The following PTPRD variants were observed in gnomAD, a reference collection of about 807,000 sequenced individuals.
PTPRD encodes protein tyrosine phosphatase receptor type D, also known as receptor-type tyrosine-protein phosphatase delta.
In PTPRD, 34 loss-of-function variants were observed where a neutral mutation model predicts 214.5. That is an observed-to-expected ratio of 0.16 (90% CI 0.12 to 0.21). PTPRD has a LOEUF of 0.21. PTPRD is among the 10% of genes least tolerant of loss of function. The probability of loss-of-function intolerance (pLI) is 1.00; values close to 1 mark genes in which losing one functional copy is unlikely to be tolerated. For synonymous variants in PTPRD, 1,128 were observed against 845.7 expected, an observed-to-expected ratio of 1.33 and a Z score of -5.79; for missense variants, 2,545 against 2,398.7, an observed-to-expected ratio of 1.06 and a Z score of -1.27.
chr9:9,729,134 T>C (rs10816169), intron 7 of PTPRD, among the ~76,000 whole-genome samples: 34,898 of 152,076 alleles, frequency 0.23, 4,950 homozygotes, highest in South Asian at 0.32. Flanking sequence ...GGGCGGGCTT[T>C]ATGCTGCTGT....
chr9:9,009,114 ATCATTCTC>A, intron 11 of PTPRD, among the ~76,000 whole-genome samples: 1 of 151,010 alleles, frequency 6.6e-6, no homozygotes, highest in African/African-American at 2.4e-5. Context: ...AAAAGTACAA[ATCATTCTC>A]TCATTCACCT....
intron 5 of PTPRD, among the ~76,000 whole-genome samples, chr9:9,767,995 A>C (rs1446279214): frequency 6.6e-6 from 1 of 152,198 alleles, no homozygotes; most frequent in Admixed American, 6.5e-5. Context: ...AAACAGCACA[A>C]AATACAAGTG....
At chr9:8,468,074 G>A (rs181063668) in intron 31 of PTPRD, among the ~76,000 whole-genome samples, 2 of 152,080 alleles carry the variant, frequency 1.3e-5, no homozygotes, top group Non-Finnish European at 2.9e-5. Context: ...ATTCCCACAA[G>A]CACTTTCTGC....
rs1367177334 is a variant in PTPRD at position 9,912,330 on chromosome 9, C to T, written c.-368+26177G>A. Among the ~76,000 whole-genome samples, 3 of 152,146 alleles carry T rather than the reference C, an allele frequency of 2.0e-5. No individual in the cohort carries two copies. In the East Asian group the frequency reaches 5.8e-4, roughly 29 times the overall value. On this transcript the variant is annotated intron_variant, in intron 5 of 45. Transcript: ENST00000381196. ...ACAAACTACAGCATACAAACTAAAA[C>T]ATTTGTCCAAAATTTAGAGTCAACT...
chr9:8,521,136 C>T (rs2097883554), intron 20 of PTPRD, 141 bp downstream of exon 20: 4 of 1,017,268 alleles, frequency 3.9e-6, no homozygotes, highest in Non-Finnish European at 5.6e-6. Flanking sequence ...TATATAATAC[C>T]ACAGATATGA....
At chr9:10,055,900 G>C (rs2097632923) in intron 3 of PTPRD, among the ~76,000 whole-genome samples, 2 of 151,756 alleles carry the variant, frequency 1.3e-5, no homozygotes, top group South Asian at 4.2e-4. Context: ...ATGTATAAAT[G>C]AGTGTGTGTG....
chr9:10,484,028 C>T (rs1429456619), intron 2 of PTPRD, among the ~76,000 whole-genome samples: 1 of 151,948 alleles, frequency 6.6e-6, no homozygotes, highest in Non-Finnish European at 1.5e-5. Flanking sequence ...AATAAGTGTC[C>T]AACAACCAGT....
chr9:10,186,057 T>C (rs2099328811), intron 3 of PTPRD, among the ~76,000 whole-genome samples: 1 of 151,278 alleles, frequency 6.6e-6, no homozygotes, highest in Non-Finnish European at 1.5e-5. Flanking sequence ...TGCACAGTGG[T>C]AGAAGATAAT....
intron 7 of PTPRD, 140 bp from the exon 8 acceptor site, chr9:9,574,921 T>A (rs564717245): frequency 6.6e-6 from 1 of 152,156 alleles, no homozygotes; most frequent in Non-Finnish European, 1.5e-5. Context: ...CAAACATTTT[T>A]GACTACAGTA....
At chr9:8,845,192 AC>A (rs2097665261) in intron 11 of PTPRD, among the ~76,000 whole-genome samples, 1 of 150,956 alleles carries the variant, frequency 6.6e-6, no homozygotes, top group Non-Finnish European at 1.5e-5. Context: ...ACAAAAAAAA[AC>A]ACACAATTCT....
rs547332968 is a variant in PTPRD at position 8,455,728 on chromosome 9, T to A, written c.3875+4683A>T. 3.3e-5 allele frequency among the ~76,000 whole-genome samples: 5 copies of A among 152,352 alleles called. No homozygotes were observed. The South Asian group carries it at 1.0e-3, about 32-fold the overall frequency. On this transcript the variant is annotated intron_variant, in intron 33 of 45. Coordinates refer to ENST00000381196, the MANE Select transcript of PTPRD (RefSeq NM_002839.4). ...CTTAATTTTATAGTGATTTACGTAG[T>A]GTGCCAGGTTAAAAAGAATTCTATA...
intron 3 of PTPRD, among the ~76,000 whole-genome samples, chr9:10,099,725 C>A (rs1052016942): frequency 6.6e-6 from 1 of 151,382 alleles, no homozygotes; most frequent in Admixed American, 6.6e-5. Context: ...GTTGGGTCTG[C>A]TTTTTTTAGT....
intron 3 of PTPRD, among the ~76,000 whole-genome samples, chr9:10,322,463 C>A (rs2096569646): frequency 6.6e-6 from 1 of 151,944 alleles, no homozygotes; most frequent in South Asian, 2.1e-4. Flanking sequence ...ATATGTCAAA[C>A]CTATAATATA....
At chr9:8,907,019 C>G (rs138970931) in intron 11 of PTPRD, among the ~76,000 whole-genome samples, 2 of 151,980 alleles carry the variant, frequency 1.3e-5, no homozygotes, top group East Asian at 3.9e-4. Flanking sequence ...TGAAAACTGC[C>G]GAAATTTTGC....
intron 8 of PTPRD, among the ~76,000 whole-genome samples, chr9:9,412,036 C>T (rs2075607575): frequency 1.3e-5 from 2 of 152,162 alleles, no homozygotes; most frequent in Admixed American, 1.3e-4. Context: ...CGGGATCTTT[C>T]TGCTATGCCT....
chr9:9,751,436 GAAT>G (rs1211619097), intron 6 of PTPRD, among the ~76,000 whole-genome samples: 1 of 152,042 alleles, frequency 6.6e-6, no homozygotes, highest in Non-Finnish European at 1.5e-5. Context: ...ATAATAATGA[GAAT>G]AATGACTACC....
chr9:9,790,936 A>G (rs773061466), intron 5 of PTPRD, among the ~76,000 whole-genome samples: 10 of 152,210 alleles, frequency 6.6e-5, no homozygotes, highest in Non-Finnish European at 1.3e-4. Flanking sequence ...TTCAGTTTGA[A>G]CAGGTCCTAT....
chr9:9,481,798 G>A (rs2095425453), intron 8 of PTPRD, among the ~76,000 whole-genome samples: 1 of 152,226 alleles, frequency 6.6e-6, no homozygotes, highest in East Asian at 1.9e-4. Flanking sequence ...CACAGAAACA[G>A]AGTTTGAGCT....
At chr9:9,304,120 C>G (rs1033588515) in intron 9 of PTPRD, among the ~76,000 whole-genome samples, 3 of 152,046 alleles carry the variant, frequency 2.0e-5, no homozygotes, top group African/African-American at 7.2e-5. Flanking sequence ...CTCCCATTTT[C>G]CAGGCACTGT....
Sources: gnomAD v4.1 joint callset for allele counts (sites outside exome capture counted in the v4.1 genomes callset) on GRCh38, gnomAD v4.1.1 for gene constraint, MANE v1.5 for transcripts, NCBI Gene and HGNC (gene_info 2026-07-23, HGNC 2026-07-21) for gene names.